Variants in LARP4 observed in about 807,000 individuals in gnomAD.
The protein encoded by LARP4 is la-related protein 4.
In LARP4, 29 loss-of-function variants were observed where a neutral mutation model predicts 92.9. That is an observed-to-expected ratio of 0.31 (90% CI 0.23 to 0.43). The LOEUF (loss-of-function observed/expected upper bound fraction) is 0.43, where lower values mean the gene tolerates loss of function less well. Among genes scored for constraint, LARP4 ranks in the 20% least tolerant of loss-of-function variants. The pLI is 1.00. For synonymous variants in LARP4, 279 were observed against 284.1 expected, an observed-to-expected ratio of 0.98 and a Z score of 0.18; for missense variants, 732 against 860.0, an observed-to-expected ratio of 0.85 and a Z score of 1.86.
At chr12:50,436,663 T>A (rs950228280) in intron 5 of LARP4, among the ~76,000 whole-genome samples, 2 of 152,214 alleles carry the variant, frequency 1.3e-5, no homozygotes, top group African/African-American at 4.8e-5. Context: ...TTTTGCTGGA[T>A]TTTGTGTCTT....
chr12:50,450,191 A>G (rs537005568), intron 8 of LARP4, among the ~76,000 whole-genome samples: 4 of 152,084 alleles, frequency 2.6e-5, no homozygotes, highest in East Asian at 1.9e-4. Context: ...CAGCCTCCCA[A>G]AGTGCTGGGA....
chr12:50,449,272 CTG>C (rs1384068570), intron 8 of LARP4, among the ~76,000 whole-genome samples: 2 of 152,126 alleles, frequency 1.3e-5, no homozygotes, highest in East Asian at 3.9e-4. Flanking sequence ...AAATAAAAAT[CTG>C]TAGTTTTTTC....
At chr12:50,406,141 C>T (rs960513412) in intron 1 of LARP4, among the ~76,000 whole-genome samples, 15 of 152,036 alleles carry the variant, frequency 9.9e-5, no homozygotes, top group Admixed American at 6.6e-4. Context: ...AAGTTTCATA[C>T]GACCTAGGAC....
At chr12:50,438,962 G>A (rs1049954601) in intron 6 of LARP4, among the ~76,000 whole-genome samples, 59 of 152,318 alleles carry the variant, frequency 3.9e-4, no homozygotes, top group Non-Finnish European at 8.1e-4. Flanking sequence ...TTTTGAGACA[G>A]GGTTTCAGTC....
intron 1 of LARP4, among the ~76,000 whole-genome samples, chr12:50,418,767 G>GTA (rs1463858491): frequency 6.6e-6 from 1 of 152,140 alleles, no homozygotes; most frequent in African/African-American, 2.4e-5. Context: ...CATCCAGACT[G>GTA]TAGTACAATC....
intron 10 of LARP4, among the ~76,000 whole-genome samples, chr12:50,459,559 C>G (rs1244030526): frequency 6.6e-6 from 1 of 152,164 alleles, no homozygotes; most frequent in African/African-American, 2.4e-5. Flanking sequence ...GGCCTGGTGG[C>G]TCACACCTGT....
At chr12:50,407,997 A>G (rs1366432421) in intron 1 of LARP4, among the ~76,000 whole-genome samples, 5 of 152,070 alleles carry the variant, frequency 3.3e-5, no homozygotes, top group East Asian at 1.9e-4. Context: ...ACTTGAACCA[A>G]TCTTTGGTTC....
At chr12:50,408,861 G>C (rs1945327392) in intron 1 of LARP4, among the ~76,000 whole-genome samples, 1 of 152,098 alleles carries the variant, frequency 6.6e-6, no homozygotes, top group South Asian at 2.1e-4. Context: ...GGTATGGCAG[G>C]CTGGGTGGGC....
chr12:50,448,186 T>G (rs1481959678), intron 8 of LARP4, among the ~76,000 whole-genome samples: 1 of 152,144 alleles, frequency 6.6e-6, no homozygotes, highest in Non-Finnish European at 1.5e-5. Flanking sequence ...TTTTAAAATT[T>G]TGGCAAAATG....
chr12:50,433,389 G>T (rs546949662), intron 4 of LARP4, among the ~76,000 whole-genome samples: 47 of 151,198 alleles, frequency 3.1e-4, no homozygotes, highest in African/African-American at 1.1e-3. Flanking sequence ...GAACCAGCTG[G>T]GTAATTGACA....
intron 9 of LARP4, 25 bp downstream of exon 9, chr12:50,453,697 TATA>T (rs763224011): frequency 2.9e-6 from 4 of 1,385,132 alleles, no homozygotes; most frequent in Non-Finnish European, 4.0e-6. Flanking sequence ...TACAATAAAA[TATA>T]ATAATATTTT....
chr12:50,469,456 T>G (rs1022799159), intron 13 of LARP4, among the ~76,000 whole-genome samples: 7 of 151,448 alleles, frequency 4.6e-5, no homozygotes, highest in Middle Eastern at 3.4e-3. Flanking sequence ...TACAAAAAAT[T>G]AGCCAGGCAT....
chr12:50,427,691 G>T, intron 1 of LARP4, 71 bp from the exon 2 acceptor site: 2 of 1,024,316 alleles, frequency 2.0e-6, no homozygotes, highest in Non-Finnish European at 2.7e-6. Flanking sequence ...ATGGAAAAGT[G>T]ATTTTATCTG....
chr12:50,421,736 A>T (rs1159526725), intron 1 of LARP4, among the ~76,000 whole-genome samples: 1 of 152,148 alleles, frequency 6.6e-6, no homozygotes, highest in African/African-American at 2.4e-5. Context: ...TTACTATAGC[A>T]GGTCATGTTT....
intron 8 of LARP4, among the ~76,000 whole-genome samples, chr12:50,441,990 CA>C (rs1490165982): frequency 1.8e-4 from 27 of 152,302 alleles, no homozygotes; most frequent in Middle Eastern, 3.4e-3. Flanking sequence ...GCGTAGGTTG[CA>C]GTGAGCAGAG....
chr12:50,469,824 G>A (rs773815242), intron 13 of LARP4, among the ~76,000 whole-genome samples: 40 of 151,906 alleles, frequency 2.6e-4, no homozygotes, highest in Non-Finnish European at 4.9e-4. Context: ...CAGAAGAATC[G>A]CTTGAACCCG....
rs555859449 is a variant in LARP4, at chr12:50,422,260, C to T, written c.19-5502C>T. 1.0e-3 allele frequency among the ~76,000 whole-genome samples: 159 copies of T among 152,232 alleles called. 1 individual carries two copies. The highest frequency in any genetic ancestry group is 1.4e-3 in the Non-Finnish European group (96 of 68,018). On this transcript the variant is annotated intron_variant, in intron 1 of 15. Transcript: ENST00000398473. Reference sequence around the variant, plus strand: ...GATTACAGGCTTGAGCCACTGCCCCCGACCTACATTGTTCTAAAAAGTAGG... The same window carrying T: ...GATTACAGGCTTGAGCCACTGCCCCTGACCTACATTGTTCTAAAAAGTAGG...
intron 1 of LARP4, among the ~76,000 whole-genome samples, chr12:50,411,027 G>A (rs1945789962): frequency 6.6e-6 from 1 of 152,130 alleles, no homozygotes; most frequent in African/African-American, 2.4e-5. Flanking sequence ...AACTTCGGGA[G>A]GTTGGTGGAA....
chr12:50,427,181 AT>A (rs1174650657), intron 1 of LARP4, among the ~76,000 whole-genome samples: 4 of 152,192 alleles, frequency 2.6e-5, no homozygotes, highest in Admixed American at 2.6e-4. Context: ...TAGTTATAGA[AT>A]TGTTCAGACT....
Sources: allele counts gnomAD v4.1 joint callset (sites outside exome capture counted in the v4.1 genomes callset), GRCh38; gene constraint gnomAD v4.1.1; transcripts MANE v1.5; gene names NCBI Gene and HGNC (gene_info 2026-07-23, HGNC 2026-07-21).